The following PRELID2 variants were observed in gnomAD, a reference collection of about 807,000 sequenced individuals.
The protein encoded by PRELID2 is PRELI domain containing 2, also known as PRELI domain-containing protein 2.
A neutral mutation model predicts 28.4 loss-of-function variants in PRELID2; 25 were observed. The ratio of observed to expected loss-of-function variants is 0.88; its 90% CI spans 0.64 to 1.23. The LOEUF is 1.23. Ranked by LOEUF, PRELID2 falls within the 50% of genes most tolerant of loss-of-function variation. The pLI is 0.00. For missense variants in PRELID2, 201 were observed against 214.4 expected (o/e 0.94, Z 0.39); for synonymous variants, 76 against 71.6 (o/e 1.06, Z -0.31).
chr5:145,712,840 A>G (rs1234287764), intron 1 of PRELID2, among the ~76,000 whole-genome samples: 1 of 152,100 alleles, frequency 6.6e-6, no homozygotes, highest in African/African-American at 2.4e-5. Context: ...GTTATTACTT[A>G]TATATATAAA....
intron 5 of PRELID2, among the ~76,000 whole-genome samples, chr5:145,770,366 T>A (rs561908755): frequency 5.3e-5 from 8 of 151,150 alleles, no homozygotes; most frequent in East Asian, 3.9e-4. Flanking sequence ...AAAAAAAAAA[T>A]TTAATTAGCC....
the PRELID2 span, among the ~76,000 whole-genome samples, chr5:145,466,569 A>G: frequency 6.6e-6 from 1 of 152,168 alleles, no homozygotes; most frequent in Non-Finnish European, 1.5e-5. Context: ...ACAAGGCAAT[A>G]GATAAATAGT....
intron 5 of PRELID2, 82 bp downstream of exon 5, chr5:145,796,359 CT>C (rs1752747065): frequency 1.8e-5 from 14 of 767,316 alleles, no homozygotes; most frequent in South Asian, 5.6e-5. Flanking sequence ...ATTATGTCTG[CT>C]CATGAGTCTT....
At chr5:145,250,305 G>A in the PRELID2 span, among the ~76,000 whole-genome samples, 8,309 of 152,120 alleles carry the variant, frequency 0.055, 405 homozygotes, top group African/African-American at 0.13. Context: ...CTGAGTTGAT[G>A]AGTATTTTAT....
At chr5:145,328,915 C>T in the PRELID2 span, among the ~76,000 whole-genome samples, 1 of 152,146 alleles carries the variant, frequency 6.6e-6, no homozygotes, top group Non-Finnish European at 1.5e-5. Flanking sequence ...TTAGGTCTCA[C>T]ATTTAAGCCT....
intron 3 of PRELID2, among the ~76,000 whole-genome samples, chr5:145,818,371 T>C (rs931135082): frequency 2.0e-5 from 3 of 152,206 alleles, no homozygotes; most frequent in Admixed American, 1.3e-4. Flanking sequence ...CCTTCTTAAA[T>C]TGATGGATTC....
At chr5:145,286,563 C>T in the PRELID2 span, among the ~76,000 whole-genome samples, 5 of 152,280 alleles carry the variant, frequency 3.3e-5, 1 homozygote, top group South Asian at 6.2e-4. Flanking sequence ...AACCCACATA[C>T]GTAACTCCTC....
intron 1 of PRELID2, among the ~76,000 whole-genome samples, chr5:145,600,435 ATAT>A (rs1561515793): frequency 1.7e-5 from 2 of 115,152 alleles, no homozygotes; most frequent in African/African-American, 9.2e-5. Flanking sequence ...AAAAAAAAAA[ATAT>A]ATATATATAT....
intron 4 of PRELID2, among the ~76,000 whole-genome samples, chr5:145,803,881 C>A (rs865799880): frequency 6.6e-6 from 1 of 151,938 alleles, no homozygotes; most frequent in Non-Finnish European, 1.5e-5. Context: ...AGGGAATGAA[C>A]CCCTTCCCCA....
At chr5:145,479,437 A>G (rs1237161581) in intron 1 of PRELID2, among the ~76,000 whole-genome samples, 3 of 152,092 alleles carry the variant, frequency 2.0e-5, no homozygotes, top group South Asian at 2.1e-4. Flanking sequence ...AGAGCCCAGC[A>G]TACATCACTC....
the PRELID2 span, among the ~76,000 whole-genome samples, chr5:145,319,203 G>A: frequency 1.3e-5 from 2 of 152,130 alleles, no homozygotes; most frequent in African/African-American, 4.8e-5. Context: ...AGGCTTGAGG[G>A]TGGGGCCTTT....
chr5:145,790,539 A>G (rs559576190), intron 5 of PRELID2, among the ~76,000 whole-genome samples: 1 of 152,128 alleles, frequency 6.6e-6, no homozygotes, highest in East Asian at 1.9e-4. Flanking sequence ...GACAGGAGGA[A>G]TAAGTTTTTA....
chr5:145,458,681 G>C, the PRELID2 span, among the ~76,000 whole-genome samples: 1 of 152,146 alleles, frequency 6.6e-6, no homozygotes. Context: ...TGCTGAGGTT[G>C]AGTAGAAACC....
At chr5:145,590,068 C>A (rs1753207265) in intron 1 of PRELID2, among the ~76,000 whole-genome samples, 1 of 152,164 alleles carries the variant, frequency 6.6e-6, no homozygotes, top group Non-Finnish European at 1.5e-5. Context: ...CCTCCAAATT[C>A]CTACATATTC....
chr5:145,327,757 T>G, the PRELID2 span, among the ~76,000 whole-genome samples: 2 of 152,126 alleles, frequency 1.3e-5, no homozygotes, highest in Non-Finnish European at 2.9e-5. Flanking sequence ...TTGTCTTTAC[T>G]TTTGTGTATC....
At chr5:145,250,938 AC>A in the PRELID2 span, among the ~76,000 whole-genome samples, 1 of 152,122 alleles carries the variant, frequency 6.6e-6, no homozygotes, top group Non-Finnish European at 1.5e-5. Context: ...CTTTCATTTT[AC>A]ATCCAGTTTC....
At chr5:145,568,247 C>G (rs968696242) in intron 1 of PRELID2, among the ~76,000 whole-genome samples, 2 of 152,196 alleles carry the variant, frequency 1.3e-5, no homozygotes, top group African/African-American at 2.4e-5. Flanking sequence ...AATAGAGACC[C>G]CTCCACATGG....
At chr5:145,529,280 A>G (rs1346501900) in intron 1 of PRELID2, among the ~76,000 whole-genome samples, 1 of 152,208 alleles carries the variant, frequency 6.6e-6, no homozygotes, top group Non-Finnish European at 1.5e-5. Flanking sequence ...AATTTGTCAA[A>G]GCATTTAAAC....
intron 1 of PRELID2, among the ~76,000 whole-genome samples, chr5:145,640,186 T>A (rs950963184): frequency 6.6e-6 from 1 of 151,854 alleles, no homozygotes; most frequent in East Asian, 1.9e-4. Context: ...ACTGAAAAAA[T>A]ACAAAAAAAT....
Sources: gnomAD v4.1 joint callset for allele counts (sites outside exome capture counted in the v4.1 genomes callset) on GRCh38, gnomAD v4.1.1 for gene constraint, MANE v1.5 for transcripts, NCBI Gene and HGNC (gene_info 2026-07-23, HGNC 2026-07-21) for gene names.